Variants in MACROD2 observed in about 807,000 individuals in gnomAD.
The protein encoded by MACROD2 is mono-ADP ribosylhydrolase 2.
In MACROD2, 36 loss-of-function variants were observed where a neutral mutation model predicts 70.4. The ratio of observed to expected loss-of-function variants is 0.51; its 90% CI spans 0.39 to 0.68. The LOEUF (loss-of-function observed/expected upper bound fraction) is 0.68. Ranked by LOEUF, MACROD2 falls within the 30% of genes least tolerant of loss-of-function variation. The pLI is 0.00. For missense variants in MACROD2, 496 were observed against 538.4 expected (o/e 0.92, Z 0.78); for synonymous variants, 172 against 178.8 (o/e 0.96, Z 0.30).
intron 5 of MACROD2, among the ~76,000 whole-genome samples, chr20:14,749,245 C>T (rs6042900): frequency 3.9e-5 from 6 of 151,998 alleles, no homozygotes; most frequent in African/African-American, 9.7e-5. Context: ...GTAATGAAAA[C>T]GTGCCTAGCC....
rs544576731 is a variant in MACROD2 at position 14,244,386 on chromosome 20, T to TA, written c.271+158669dup. Among the ~76,000 whole-genome samples the TA allele has an allele frequency of 2.5e-3, 358 of 144,486 alleles. 1 individual carries two copies. Among genetic ancestry groups the TA allele is most frequent in the South Asian group, 4.6e-3 (21 of 4,556 alleles). The allele number at this position is 144,486 out of a possible 152,430, so 94.8% of individuals were successfully genotyped here. A position where few individuals can be genotyped will look rare whatever the true frequency, so the allele number is the denominator to read the frequency against. On this transcript the variant is annotated intron_variant, in intron 3 of 17. Coordinates refer to ENST00000684519, the MANE Select transcript of MACROD2 (RefSeq NM_001351661.2). Reference sequence around the variant, plus strand: ...ATCCAGTTATTTTCTGGGGTGATGCTAAAAAAAAAAACCCATATTCAGTAG... The same window carrying TA: ...ATCCAGTTATTTTCTGGGGTGATGCTAAAAAAAAAAAACCCATATTCAGTAG...
chr20:15,708,169 A>G (rs1356916266), intron 8 of MACROD2, among the ~76,000 whole-genome samples: 1 of 152,182 alleles, frequency 6.6e-6, no homozygotes, highest in East Asian at 1.9e-4. Context: ...ATCAAAATAC[A>G]TGTTGAGACT....
intron 4 of MACROD2, among the ~76,000 whole-genome samples, chr20:14,668,926 A>G (rs2070765869): frequency 6.6e-6 from 1 of 152,194 alleles, no homozygotes; most frequent in African/African-American, 2.4e-5. Context: ...AAAAAACAGA[A>G]TCAAGTTATG....
chr20:15,244,481 C>A (rs1388029036), intron 6 of MACROD2, among the ~76,000 whole-genome samples: 2 of 152,108 alleles, frequency 1.3e-5, no homozygotes, highest in Non-Finnish European at 2.9e-5. Context: ...TAGTTTGGGT[C>A]TGGAGACATG....
intron 3 of MACROD2, among the ~76,000 whole-genome samples, chr20:14,148,935 G>A (rs1370862221): frequency 6.6e-6 from 1 of 152,042 alleles, no homozygotes; most frequent in Non-Finnish European, 1.5e-5. Flanking sequence ...GTGGTAAGAA[G>A]TATGAGGTTC....
chr20:14,539,115 A>T (rs1013725325), intron 4 of MACROD2, among the ~76,000 whole-genome samples: 2 of 152,222 alleles, frequency 1.3e-5, no homozygotes, highest in Non-Finnish European at 2.9e-5. Context: ...AAAATTTGGC[A>T]ACAGTAGAAA....
chr20:15,437,237 C>G (rs540753306), intron 7 of MACROD2, among the ~76,000 whole-genome samples: 1 of 152,228 alleles, frequency 6.6e-6, no homozygotes, highest in Admixed American at 6.5e-5. Context: ...ACTATGTTTT[C>G]TTCAGAATAT....
chr20:15,772,757 G>A (rs2051657276), intron 8 of MACROD2, among the ~76,000 whole-genome samples: 1 of 151,990 alleles, frequency 6.6e-6, no homozygotes, highest in Non-Finnish European at 1.5e-5. Flanking sequence ...ATCAAATATT[G>A]GGTGCACCAA....
intron 8 of MACROD2, among the ~76,000 whole-genome samples, chr20:15,728,983 T>C (rs939878852): frequency 5.9e-5 from 9 of 152,206 alleles, no homozygotes; most frequent in African/African-American, 2.2e-4. Flanking sequence ...AAGTTGTTAA[T>C]TTGAGATCTT....
chr20:15,322,258 G>A (rs2077881673), intron 6 of MACROD2, among the ~76,000 whole-genome samples: 2 of 143,772 alleles, frequency 1.4e-5, no homozygotes, highest in South Asian at 4.6e-4. Context: ...TGGCAAATGA[G>A]TTTAATTTTA....
chr20:14,926,546 C>T (rs1233024482), intron 5 of MACROD2, among the ~76,000 whole-genome samples: 2 of 137,448 alleles, frequency 1.5e-5, no homozygotes, highest in East Asian at 4.2e-4. Context: ...AAGACTCCGT[C>T]AAAAAAAAAA....
chr20:14,476,309 T>C, intron 3 of MACROD2, among the ~76,000 whole-genome samples: 1 of 152,202 alleles, frequency 6.6e-6, no homozygotes, highest in East Asian at 1.9e-4. Flanking sequence ...ACTGAGCTAC[T>C]AATCACTTTG....
At chr20:14,925,337 T>C (rs1290103571) in intron 5 of MACROD2, among the ~76,000 whole-genome samples, 9 of 152,166 alleles carry the variant, frequency 5.9e-5, no homozygotes, top group Admixed American at 5.9e-4. Context: ...AGACTGATCT[T>C]AGTTTCAGAA....
intron 5 of MACROD2, among the ~76,000 whole-genome samples, chr20:14,944,518 A>T (rs1007210372): frequency 6.6e-6 from 1 of 152,154 alleles, no homozygotes; most frequent in African/African-American, 2.4e-5. Flanking sequence ...TCTGCTGTCA[A>T]TTTGACATCA....
At chr20:14,686,510 A>G (rs2071004127) in intron 5 of MACROD2, among the ~76,000 whole-genome samples, 1 of 152,118 alleles carries the variant, frequency 6.6e-6, no homozygotes, top group Non-Finnish European at 1.5e-5. Flanking sequence ...CAAAACTTGG[A>G]TTAGGGATTC....
At position 15,217,423 on chromosome 20, in the gene MACROD2, TGCCCCAGTTCACACA is replaced by T. The variant is rs1245280002; in HGVS notation, c.419-12515_419-12501del. Among the ~76,000 whole-genome samples the T allele has an allele frequency of 8.5e-5, 13 of 152,338 alleles. No homozygotes were observed. In the South Asian group the frequency reaches 2.7e-3, roughly 32 times the overall value. On this transcript the variant is annotated intron_variant, in intron 5 of 17. Transcript: ENST00000684519. ...TTTTTAGAGAGGAAGAAAAGTAATT[TGCCCCAGTTCACACA>T]GTGAGTGAGTGGAGTGTGCTGTTGG...
intron 3 of MACROD2, among the ~76,000 whole-genome samples, chr20:14,123,412 G>T (rs930608590): frequency 6.6e-6 from 1 of 152,036 alleles, no homozygotes; most frequent in South Asian, 2.1e-4. Flanking sequence ...CTTGCTGAAG[G>T]AGCCTCACCT....
At chr20:14,609,666 G>A (rs564453479) in intron 4 of MACROD2, among the ~76,000 whole-genome samples, 2 of 152,222 alleles carry the variant, frequency 1.3e-5, no homozygotes, top group South Asian at 2.1e-4. Flanking sequence ...TGTGTATGAA[G>A]ATTACACAAA....
chr20:15,644,707 G>A (rs1188367459), intron 8 of MACROD2, among the ~76,000 whole-genome samples: 1 of 151,904 alleles, frequency 6.6e-6, no homozygotes, highest in Non-Finnish European at 1.5e-5. Flanking sequence ...TTATTTTTTT[G>A]ACATGAAGTT....
Sources: gnomAD v4.1 joint callset for allele counts (sites outside exome capture counted in the v4.1 genomes callset) on GRCh38, gnomAD v4.1.1 for gene constraint, MANE v1.5 for transcripts, NCBI Gene and HGNC (gene_info 2026-07-23, HGNC 2026-07-21) for gene names.